TAF1: variants seen among roughly 807,000 people sequenced by gnomAD.
TAF1 encodes transcription initiation factor TFIID subunit 1.
TAF1 carries 2 observed loss-of-function variants against 138.5 expected under a neutral mutation model. That is an observed-to-expected ratio of 0.01 (90% CI 0.01 to 0.05). TAF1 has a LOEUF of 0.05. Among genes scored for constraint, TAF1 ranks in the 10% least tolerant of loss-of-function variants. The probability of loss-of-function intolerance (pLI) is 1.00; values close to 1 mark genes in which losing one functional copy is unlikely to be tolerated. For missense variants in TAF1, 709 were observed against 1,478.0 expected (o/e 0.48, Z 8.53); for synonymous variants, 437 against 503.2 (o/e 0.87, Z 1.76).
chrX:71,367,787 C>T (rs1353905615), intron 2 of TAF1, among the ~76,000 whole-genome samples, 174 bp downstream of exon 2: 1 of 111,994 alleles, frequency 8.9e-6, no homozygotes, highest in Admixed American at 9.5e-5. Context: ...TCTCCTGTCT[C>T]AGCCTCCTGA....
intron 13 of TAF1, among the ~76,000 whole-genome samples, chrX:71,503,892 A>T (rs2039569258): frequency 9.2e-6 from 1 of 108,851 alleles, no homozygotes. Flanking sequence ...CCTCCTCTTC[A>T]TTTCAACTCC....
At chrX:71,451,910 C>G (rs1432579738) in intron 32 of TAF1, among the ~76,000 whole-genome samples, 1 of 112,814 alleles carries the variant, frequency 8.9e-6, no homozygotes, top group Non-Finnish European at 1.9e-5. Flanking sequence ...TCCGATTTCT[C>G]AATCTTTTCC....
At chrX:71,366,576 C>A in intron 1 of TAF1, 82 bp downstream of exon 1, 2 of 984,783 alleles carry the variant, frequency 2.0e-6, no homozygotes, top group Non-Finnish European at 2.7e-6. Flanking sequence ...GGAGAGGGTG[C>A]TCAGGCAGCG....
intron 32 of TAF1, among the ~76,000 whole-genome samples, chrX:71,443,999 A>G (rs895144259): frequency 6.5e-5 from 7 of 107,251 alleles, no homozygotes; most frequent in African/African-American, 2.4e-4. Flanking sequence ...GCCATGACCC[A>G]CCACGCCCAG....
At chrX:71,456,942 A>G (rs2038334285) in intron 34 of TAF1, among the ~76,000 whole-genome samples, 1 of 110,701 alleles carries the variant, frequency 9.0e-6, no homozygotes, top group African/African-American at 3.3e-5. Flanking sequence ...TGCTGGGATT[A>G]CAGGCGTGAG....
intron 3 of TAF1, among the ~76,000 whole-genome samples, chrX:71,373,714 A>C (rs924101465): frequency 3.6e-5 from 4 of 111,769 alleles, no homozygotes; most frequent in Non-Finnish European, 5.6e-5. Flanking sequence ...TTAGGGCCGC[A>C]TATGTAGATT....
intron 28 of TAF1, among the ~76,000 whole-genome samples, chrX:71,420,834 A>G (rs1252531988): frequency 8.9e-6 from 1 of 111,968 alleles, no homozygotes; most frequent in Admixed American, 9.4e-5. Flanking sequence ...TCCTCAGGCT[A>G]CAGTTCCTCA....
chrX:71,458,454 A>G lies in TAF1; in HGVS notation c.5064+88A>G, dbSNP rs1285586215. The G allele has an allele frequency of 4.5e-6, 5 of 1,100,831 alleles. No individual in the cohort carries two copies. The East Asian group carries it at 1.3e-4, about 28-fold the overall frequency. 90.7% of individuals were successfully genotyped at this position (1,100,831 alleles called of 1,213,427 possible). A position where few individuals can be genotyped will look rare whatever the true frequency, so the allele number is the denominator to read the frequency against. ...GGTGATGGTGATGGTGATATGTGAC[A>G]TATGTCAAGAATGACTGGGCCCTTT... On this transcript the variant is annotated intron_variant, in intron 35 of 37. Coordinates refer to ENST00000423759, the MANE Select transcript of TAF1 (RefSeq NM_004606.5).
intron 13 of TAF1, among the ~76,000 whole-genome samples, chrX:71,525,326 G>A (rs959526126): frequency 1.8e-5 from 2 of 112,426 alleles, no homozygotes; most frequent in Non-Finnish European, 3.8e-5. Context: ...ACAGGCGTGA[G>A]CCACCACCCC....
chrX:71,391,309 A>G (rs1191148844), intron 18 of TAF1, among the ~76,000 whole-genome samples: 1 of 111,893 alleles, frequency 8.9e-6, no homozygotes, highest in Admixed American at 9.6e-5. Flanking sequence ...GAGGCCACAC[A>G]GAGTGAGTAA....
At chrX:71,528,775 C>A in intron 14 of TAF1, 1 of 282,353 alleles carries the variant, frequency 3.5e-6, no homozygotes, top group Non-Finnish European at 6.8e-6. Context: ...GAGTGAGCGG[C>A]AGCAAGATTT....
rs780566468 is a variant in TAF1, at chrX:71,436,038, CTTTTTTTTTT to C, written c.4753+11818_4753+11827del. Among the ~76,000 whole-genome samples, 37 of 78,419 alleles carry C rather than the reference CTTTTTTTTTT, an allele frequency of 4.7e-4. 1 individual carries two copies. Among genetic ancestry groups the C allele is most frequent in the Non-Finnish European group, 2.4e-4 (10 of 41,814 alleles). The allele number at this position is 78,419 out of a possible 115,157, so 68.1% of individuals were successfully genotyped here. A position where few individuals can be genotyped will look rare whatever the true frequency, so the allele number is the denominator to read the frequency against. ...TTCCTACTAATTGAAATGCTACCTCCTTTTTTTTTTTTTTTTTTTTTTTTTTTGAAACAAG... is the reference window on the plus strand; with the variant it reads ...TTCCTACTAATTGAAATGCTACCTCCTTTTTTTTTTTTTTTTTGAAACAAG... On this transcript the variant is annotated intron_variant, in intron 32 of 37. Transcript: ENST00000423759.
chrX:71,375,115 C>T (rs1329514406), intron 3 of TAF1, 52 bp from the exon 4 acceptor site: 4 of 1,157,480 alleles, frequency 3.5e-6, no homozygotes, highest in African/African-American at 1.9e-5. Context: ...AAGCTTAAGG[C>T]GGTTGTATAA....
At chrX:71,402,069 T>G (rs1274068249) in intron 25 of TAF1, among the ~76,000 whole-genome samples, 3 of 111,910 alleles carry the variant, frequency 2.7e-5, no homozygotes, top group African/African-American at 9.7e-5. Flanking sequence ...ATGTCAGTTA[T>G]CTCTTCTTGT....
chrX:71,377,329 C>A, intron 5 of TAF1, 138 bp downstream of exon 5: 1 of 956,411 alleles, frequency 1.0e-6, no homozygotes, highest in Non-Finnish European at 1.4e-6. Context: ...GCTCTTCACA[C>A]TGTATTAGGT....
intron 29 of TAF1, among the ~76,000 whole-genome samples, chrX:71,422,709 C>T (rs1049507261): frequency 1.8e-5 from 2 of 110,748 alleles, no homozygotes; most frequent in African/African-American, 6.6e-5. Flanking sequence ...AGATAGCTAG[C>T]TGAACTTAAA....
intron 14 of TAF1, chrX:71,529,588 G>T (rs902845406): frequency 3.2e-5 from 9 of 278,979 alleles, no homozygotes; most frequent in African/African-American, 2.5e-4. Flanking sequence ...CTCATCTAAA[G>T]GCATAGAATA....
At chrX:71,367,061 A>C (rs1443685542) in intron 1 of TAF1, among the ~76,000 whole-genome samples, 1 of 111,542 alleles carries the variant, frequency 9.0e-6, no homozygotes, top group Non-Finnish European at 1.9e-5. Context: ...CCCTGCCTTC[A>C]CTTAGGCCCG....
At chrX:71,409,986 A>G (rs368541275) in intron 28 of TAF1, among the ~76,000 whole-genome samples, 1 of 107,646 alleles carries the variant, frequency 9.3e-6, no homozygotes, top group East Asian at 2.9e-4. Flanking sequence ...TCCTCCTCCC[A>G]GGTTCCAGTG....
Sources: gnomAD v4.1 joint callset for allele counts (sites outside exome capture counted in the v4.1 genomes callset) on GRCh38, gnomAD v4.1.1 for gene constraint, MANE v1.5 for transcripts, NCBI Gene and HGNC (gene_info 2026-07-23, HGNC 2026-07-21) for gene names.